Variants in KARS1 observed in about 807,000 individuals in gnomAD.
The protein encoded by KARS1 is lysyl-tRNA synthetase 1.
Under a neutral mutation model 63.9 loss-of-function variants are expected in KARS1, and 50 were observed. The ratio of observed to expected loss-of-function variants is 0.78; its 90% confidence interval spans 0.62 to 0.99. The LOEUF (loss-of-function observed/expected upper bound fraction) is 0.99, where lower values mean the gene tolerates loss of function less well. KARS1 is among the 50% of genes least tolerant of loss of function. The probability of loss-of-function intolerance (pLI) is 0.00; values close to 1 mark genes in which losing one functional copy is unlikely to be tolerated. For missense variants in KARS1, 816 were observed against 754.5 expected, an observed-to-expected ratio of 1.08 and a Z score of -0.95; for synonymous variants, 320 against 264.6, an observed-to-expected ratio of 1.21 and a Z score of -2.03.
At chr16:75,640,975 G>C (rs902546700) in intron 2 of KARS1, among the ~76,000 whole-genome samples, 1 of 152,134 alleles carries the variant, frequency 6.6e-6, no homozygotes, top group Non-Finnish European at 1.5e-5. Context: ...GCCCGAGGCG[G>C]GTGGATCACT....
At chr16:75,639,820 C>A in intron 3 of KARS1, 1 of 188,256 alleles carries the variant, frequency 5.3e-6, no homozygotes. Flanking sequence ...AAGAAGATCT[C>A]ACCCAAGATA....
At chr16:75,646,181 A>G (rs2082281467) in intron 1 of KARS1, among the ~76,000 whole-genome samples, 1 of 152,194 alleles carries the variant, frequency 6.6e-6, no homozygotes, top group African/African-American at 2.4e-5. Context: ...CCCAACTATA[A>G]ACTTCGACAA....
Position 75,647,620 on chromosome 16 carries a change from G to A in KARS1, c.20C>T (p.Ala7Val), listed in dbSNP as rs757355337. 1 of 1,613,542 alleles carries A rather than the reference G, an allele frequency of 6.2e-7. No individual in the cohort carries two copies. Among genetic ancestry groups the A allele is most frequent in the Admixed American group, 1.7e-5 (1 of 60,010 alleles). ...CTCGCTGCCATCCACTTTCACCTCG[G>A]CCGCCTGCACGGCCGCCATCTTCCC... MAAVQA[A>V]EVKVDGSEPK... The change falls in exon 1 of 14, where the codon GCC becomes GTC. Residue 7 changes from alanine (A) to valine (V), a missense_variant. Physicochemically the swap from Ala to Val is moderately conservative, Grantham distance 64. Transcript: ENST00000302445.
chr16:75,629,390 T>C, intron 12 of KARS1, 25 bp downstream of exon 12: 3 of 1,613,604 alleles, frequency 1.9e-6, no homozygotes, highest in Non-Finnish European at 2.5e-6. Flanking sequence ...TTGGCACAGC[T>C]TCTGCTCACA....
Position 75,628,693 on chromosome 16 carries a change from T to G in KARS1, c.1571A>C (p.Asp524Ala). 6.2e-7 allele frequency: 1 copy of G among 1,614,212 alleles called. No homozygotes were observed. The change falls in exon 13 of 14, where the codon GAT (aspartate) becomes GCT (alanine). Residue 524 changes from aspartate to alanine, a missense_variant. By Grantham distance (126) the Asp-to-Ala change is moderately radical (BLOSUM62 -2). Transcript: ENST00000302445. ...GTTTTCATCTATGAACATGGCCTCATCATCACCTGCAGCCTTGGCCTAGAA... is the reference window on the plus strand; with the variant it reads ...GTTTTCATCTATGAACATGGCCTCAGCATCACCTGCAGCCTTGGCCTAGAA... ...EQAKAKAAGD[D>A]EAMFIDENFC...
At chr16:75,647,169 G>C (rs751671192) in intron 1 of KARS1, among the ~76,000 whole-genome samples, 2 of 152,202 alleles carry the variant, frequency 1.3e-5, no homozygotes, top group South Asian at 4.1e-4. Flanking sequence ...AATTTTGAAG[G>C]TCTTTCTGAA....
At chr16:75,630,331 A>T (rs1597163521) in intron 11 of KARS1, 92 bp downstream of exon 11, 1 of 823,552 alleles carries the variant, frequency 1.2e-6, no homozygotes, top group Non-Finnish European at 2.0e-6. Flanking sequence ...CAGCAGAAAG[A>T]CCACCAGTCA....
Position 75,640,251 on chromosome 16 carries a change from G to A in KARS1, c.321C>T (p.Asp107=), listed in dbSNP as rs993989586. The A allele has an allele frequency of 1.5e-5, 25 of 1,613,778 alleles. No individual in the cohort carries two copies. Among genetic ancestry groups the A allele is most frequent in the Non-Finnish European group, 1.8e-5 (21 of 1,179,928 alleles). ...GCAGGTGACTATATTTTTGGATGAAGTCAGTGAGTGAGATGTCTACATGGA... is the reference window on the plus strand; with the variant it reads ...GCAGGTGACTATATTTTTGGATGAAATCAGTGAGTGAGATGTCTACATGGA... ...HKFHVDISLT[D]FIQKYSHLQP... is the part of the protein sequence containing the mutation. The change falls in exon 3 of 14, where the codon GAC becomes GAT. Residue 107 remains aspartate, a synonymous_variant. Coordinates refer to ENST00000302445, the MANE Select transcript of KARS1 (RefSeq NM_005548.3).
intron 6 of KARS1, 38 bp from the exon 7 acceptor site, chr16:75,634,330 C>A (rs766658174): frequency 6.2e-7 from 1 of 1,610,644 alleles, no homozygotes; most frequent in Admixed American, 1.7e-5. Context: ...CCTTAGATAA[C>A]CAGAGGCCTT....
At position 75,629,592 on chromosome 16, in the gene KARS1, C is replaced by G. The variant is rs1054443370; in HGVS notation, c.1425-51G>C. 5 of 1,606,718 alleles carry G rather than the reference C, an allele frequency of 3.1e-6. No individual in the cohort carries two copies. The Admixed American group carries it at 6.7e-5, about 21-fold the overall frequency. ...GCTGAATATAGAGGCCCCTAATGAG[C>G]TAAATTTTGTTTTTTCTTTTTTTTT... On this transcript the variant is annotated intron_variant, in intron 11 of 13. Coordinates refer to ENST00000302445, the MANE Select transcript of KARS1 (RefSeq NM_005548.3).
Position 75,641,643 on chromosome 16 carries a change from A to G in KARS1, c.143T>C (p.Leu48Pro). The change falls in exon 2 of 14, where the codon CTA (leucine) becomes CCA (proline). Residue 48 changes from leucine to proline, a missense_variant. Coordinates refer to ENST00000302445, the MANE Select transcript of KARS1 (RefSeq NM_005548.3). The part of the protein sequence containing the change: ...AKQKELSEKQ[L>P]SQATAAATNH... The stretch of plus-strand genomic sequence containing the variant: ...GGTGGCAGCAGCAGTGGCTTGGCTT[A>G]GCTGTTTCTCACTGAGCTCTTTCTG... 3 of 1,614,010 alleles carry G rather than the reference A, an allele frequency of 1.9e-6. No individual in the cohort carries two copies. Among genetic ancestry groups the G allele is most frequent in the Non-Finnish European group, 2.5e-6 (3 of 1,179,990 alleles).
intron 10 of KARS1, among the ~76,000 whole-genome samples, chr16:75,630,930 CA>C (rs1216002666): frequency 1.3e-5 from 2 of 152,292 alleles, no homozygotes; most frequent in Non-Finnish European, 2.9e-5. Context: ...CCACCATGCC[CA>C]CCCTACCCTA....
intron 1 of KARS1, chr16:75,644,151 G>A: frequency 1.4e-6 from 1 of 697,852 alleles, no homozygotes; most frequent in Non-Finnish European, 2.4e-6. Context: ...AAGGACTATT[G>A]GTTTTGGTAT....
intron 3 of KARS1, 43 bp from the exon 4 acceptor site, chr16:75,636,590 G>A: frequency 8.2e-7 from 1 of 1,222,006 alleles, no homozygotes; most frequent in Non-Finnish European, 1.2e-6. Context: ...AGAACCAGAA[G>A]TCATTTTATG....
intron 1 of KARS1, chr16:75,644,166 G>C: frequency 1.2e-6 from 1 of 833,706 alleles, no homozygotes; most frequent in Non-Finnish European, 1.9e-6. Flanking sequence ...TGGTATTAGG[G>C]CTCCTTGTTT....
intron 11 of KARS1, among the ~76,000 whole-genome samples, 200 bp downstream of exon 11, chr16:75,630,223 G>C (rs1391000935): frequency 6.6e-6 from 1 of 152,182 alleles, no homozygotes; most frequent in Non-Finnish European, 1.5e-5. Flanking sequence ...TGGAGGATAA[G>C]ATCGTATGTG....
At chr16:75,629,920 A>G (rs566936407) in intron 11 of KARS1, among the ~76,000 whole-genome samples, 1 of 152,358 alleles carries the variant, frequency 6.6e-6, no homozygotes, top group African/African-American at 2.4e-5. Flanking sequence ...ATCATTTGGT[A>G]CAACGGTGAG....
chr16:75,631,549 G>C lies in KARS1; in HGVS notation c.1119C>G (p.Tyr373Ter). The C allele has an allele frequency of 6.2e-7, 1 of 1,614,136 alleles. No individual in the cohort carries two copies. Among genetic ancestry groups the C allele is most frequent in the African/African-American group, 1.3e-5 (1 of 75,048 alleles). ...CTTGGCCCTCTGGGCCATCTGGGTG[G>C]TAGGTGACCTTGTAACTGCCTGTAA... ...KHITGSYKVTYHPDGPEGQAY... is the reference protein window; with the variant it reads ...KHITGSYKVT The change falls in exon 9 of 14, where the codon TAC becomes TAG. Residue 373 changes from tyrosine to a stop codon, truncating the protein, a stop_gained. Transcript: ENST00000302445. LOFTEE classifies it high-confidence loss of function.
Position 75,636,008 on chromosome 16 carries a change from G to C in KARS1, c.573C>G (p.Thr191=), listed in dbSNP as rs746828939. Residue 191 remains threonine, a synonymous_variant, in exon 5 of 14, where the codon ACC becomes ACG. Coordinates refer to ENST00000302445, the MANE Select transcript of KARS1 (RefSeq NM_005548.3). Reference sequence around the variant, plus strand: ...GAATGATGCTCAGCTCACCCTTCTTGGTTTTACCAGGATTCCCCTGAACTC... The same window carrying C: ...GAATGATGCTCAGCTCACCCTTCTTCGTTTTACCAGGATTCCCCTGAACTC... ...IIGVQGNPGK[T]KKGELSIIPY... 1 of 1,613,572 alleles carries C rather than the reference G, an allele frequency of 6.2e-7. No homozygotes were observed. The highest frequency in any genetic ancestry group is 1.7e-5 in the Admixed American group (1 of 60,010).
Sources: gnomAD v4.1 joint callset for allele counts (sites outside exome capture counted in the v4.1 genomes callset) on GRCh38, gnomAD v4.1.1 for gene constraint, MANE v1.5 for transcripts, NCBI Gene and HGNC (gene_info 2026-07-23, HGNC 2026-07-21) for gene names.